ZNF574: variants seen among roughly 807,000 people sequenced by gnomAD.
ZNF574 encodes the protein zinc finger protein 574.
Under a neutral mutation model 56.6 loss-of-function variants are expected in ZNF574, and 25 were observed. The ratio of observed to expected loss-of-function variants is 0.44; its 90% CI spans 0.32 to 0.62. The LOEUF (loss-of-function observed/expected upper bound fraction) is 0.62. Ranked by LOEUF, ZNF574 falls within the 20% of genes least tolerant of loss-of-function variation. The pLI is 0.04. For missense variants in ZNF574, 1,065 were observed against 1,218.9 expected (o/e 0.87, Z 1.88); for synonymous variants, 543 against 492.1 (o/e 1.10, Z -1.37).
chr19:42,080,282 C>A lies in ZNF574; in HGVS notation c.1676C>A (p.Ala559Asp). 1 of 1,614,144 alleles carries A rather than the reference C, an allele frequency of 6.2e-7. No homozygotes were observed. Among genetic ancestry groups the A allele is most frequent in the Non-Finnish European group, 8.5e-7 (1 of 1,180,018 alleles). The change falls in exon 2 of 2, where the codon GCT becomes GAT. Residue 559 changes from alanine to aspartate, a missense_variant. By Grantham distance (126) the Ala-to-Asp change is moderately radical. Transcript: ENST00000359044. This position sits in a 1 kb window ranked among gnomAD's most constrained non-coding sequence, Gnocchi z 8.5. ...RPYRCGDCGK[A>D]FTQSSTLRQH... is the part of the protein sequence containing the mutation. The stretch of plus-strand genomic sequence containing the variant: ...TACCGGTGTGGGGACTGTGGCAAGG[C>A]TTTCACGCAAAGCTCCACACTGAGG...
At chr19:42,070,644 A>G (rs1807906000) in intron 1 of ZNF574, 1 of 153,392 alleles carries the variant, frequency 6.5e-6, no homozygotes, top group African/African-American at 2.4e-5. Context: ...GGGATAAGAA[A>G]GAAAGGCCCA....
intron 1 of ZNF574, among the ~76,000 whole-genome samples, chr19:42,076,874 G>A (rs1234668317): frequency 6.6e-6 from 1 of 152,016 alleles, no homozygotes; most frequent in African/African-American, 2.4e-5. Flanking sequence ...AATGTGAAGA[G>A]GCCTTAAACC....
rs2076478255 is a variant in ZNF574 at position 42,079,312 on chromosome 19, CACTT to C, written c.707_710del (p.His236ProfsTer131). On this transcript the variant is annotated frameshift_variant, in exon 2 of 2. Coordinates refer to ENST00000359044, the MANE Select transcript of ZNF574 (RefSeq NM_022752.6). LOFTEE classifies it high-confidence loss of function. This position sits in a 1 kb window ranked among gnomAD's most constrained non-coding sequence, Gnocchi z 4.3. The stretch of plus-strand genomic sequence containing the variant: ...GGATTTCCTGGAGCACCAGGCCACT[CACTT>C]CCCTGCTCCTGTACCCGAGTCTCAG... The C allele has an allele frequency of 6.2e-7, 1 of 1,613,836 alleles. No homozygotes were observed.
chr19:42,073,763 GC>G (rs1301063615), upstream of ZNF574, among the ~76,000 whole-genome samples: 2 of 139,710 alleles, frequency 1.4e-5, no homozygotes, highest in African/African-American at 5.4e-5. Context: ...GTTGCAGTTA[GC>G]TGAGATCACA....
chr19:42,080,053 C>G lies in ZNF574; in HGVS notation c.1447C>G (p.Arg483Gly). 6.2e-7 allele frequency: 1 copy of G among 1,614,124 alleles called. No individual in the cohort carries two copies. Among genetic ancestry groups the G allele is most frequent in the Non-Finnish European group, 8.5e-7 (1 of 1,180,030 alleles). ...REFGKALQLT[R>G]HQRFVHRLER... ...ATTTGGAAAGGCCTTGCAGCTGACC[C>G]GGCACCAACGTTTTGTGCATCGGCT... is the stretch of plus-strand genomic sequence containing the variant. The change falls in exon 2 of 2, where the codon CGG becomes GGG. Residue 483 changes from arginine (R) to glycine (G), a missense_variant. Arg to Gly is a moderately radical substitution (Grantham distance 125, BLOSUM62 -2). Transcript: ENST00000359044. The surrounding 1 kb of genome is among the most constrained non-coding windows in gnomAD (Gnocchi z 8.5).
chr19:42,074,494 AT>A (rs2076443932), upstream of ZNF574, among the ~76,000 whole-genome samples: 3 of 151,546 alleles, frequency 2.0e-5, no homozygotes, highest in Non-Finnish European at 2.9e-5. Context: ...ATAAAATAAA[AT>A]AAAATAAAAA....
At position 42,081,482 on chromosome 19, in the gene ZNF574, C is replaced by T; in HGVS notation, c.*185C>T. ...GGTCCTTGACACACATAAAGGTGCC[C>T]CCCCACCTTCCACCTCTTAGCACTG... On this transcript the variant is annotated 3_prime_UTR_variant, in exon 2 of 2. Coordinates refer to ENST00000359044, the MANE Select transcript of ZNF574 (RefSeq NM_022752.6). 1.4e-6 allele frequency: 1 copy of T among 736,256 alleles called. No individual in the cohort carries two copies. The highest frequency in any genetic ancestry group is 1.8e-5 in the South Asian group (1 of 56,770). The allele number at this position is 736,256 out of a possible 1,614,324, so 45.6% of individuals were successfully genotyped here.
At chr19:42,069,739 G>A (rs1231742503) in intron 1 of ZNF574, among the ~76,000 whole-genome samples, 1 of 151,460 alleles carries the variant, frequency 6.6e-6, no homozygotes, top group Non-Finnish European at 1.5e-5. Context: ...TGCTGGGGGA[G>A]GGGGCCGCCC....
At chr19:42,070,442 G>C (rs1334621627) in intron 1 of ZNF574, 3 of 152,784 alleles carry the variant, frequency 2.0e-5, no homozygotes, top group Middle Eastern at 6.2e-3. Context: ...CCACCGCCCT[G>C]CCCAGGCAGC....
chr19:42,076,827 T>A (rs559345296), intron 1 of ZNF574, among the ~76,000 whole-genome samples: 1 of 152,116 alleles, frequency 6.6e-6, no homozygotes, highest in African/African-American at 2.4e-5. Flanking sequence ...GGTTTAGAGC[T>A]AAGGAGGGGT....
intron 1 of ZNF574, chr19:42,069,075 G>C: frequency 2.2e-6 from 1 of 456,052 alleles, no homozygotes; most frequent in Non-Finnish European, 3.9e-6. Flanking sequence ...AGGTCGAGGT[G>C]AATGGACGCT....
In ZNF574 at chr19:42,081,262, C is replaced by G; in HGVS notation, c.2656C>G (p.Leu886Val). 3 of 1,614,146 alleles carry G rather than the reference C, an allele frequency of 1.9e-6. No individual in the cohort carries two copies. Among genetic ancestry groups the G allele is most frequent in the Non-Finnish European group, 2.5e-6 (3 of 1,180,042 alleles). Residue 886 changes from leucine (L) to valine (V), a missense_variant, in exon 2 of 2, where the codon CTG becomes GTG. By Grantham distance (32) the Leu-to-Val change is conservative. Transcript: ENST00000359044. Reference sequence around the variant, plus strand: ...GGTGGAAGCCATTGAGATCTACCCTCTGGCCGAGGCTGAGGGGGTCCAGAT... The same window carrying G: ...GGTGGAAGCCATTGAGATCTACCCTGTGGCCGAGGCTGAGGGGGTCCAGAT... The part of the protein sequence containing the change: ...PLVEAIEIYP[L>V]AEAEGVQISG
At chr19:42,075,742 C>T (rs1187251096), upstream of ZNF574, among the ~76,000 whole-genome samples, 2 of 152,068 alleles carry the variant, frequency 1.3e-5, no homozygotes, top group South Asian at 2.1e-4. Context: ...TGCCGCGTGC[C>T]TCAATTTCCC....
At chr19:42,075,925 G>T (rs928918262), upstream of ZNF574, among the ~76,000 whole-genome samples, 1 of 152,358 alleles carries the variant, frequency 6.6e-6, no homozygotes, top group African/African-American at 2.4e-5. Flanking sequence ...ATCCTCTAAG[G>T]AGGATTAAAG....
chr19:42,073,899 T>TG (rs572237996), upstream of ZNF574, among the ~76,000 whole-genome samples: 225 of 99,668 alleles, frequency 2.3e-3, 2 homozygotes, highest in Admixed American at 7.4e-3. Context: ...AGAGGCTGGG[T>TG]GGGGGGGTGG....
chr19:42,069,958 T>G (rs993471521), intron 1 of ZNF574, among the ~76,000 whole-genome samples: 1 of 147,418 alleles, frequency 6.8e-6, no homozygotes, highest in Non-Finnish European at 1.5e-5. Context: ...GAGAGGAGGA[T>G]GGAGAGGAGC....
intron 1 of ZNF574, among the ~76,000 whole-genome samples, chr19:42,077,501 G>T (rs888761838): frequency 6.6e-6 from 1 of 152,114 alleles, no homozygotes; most frequent in African/African-American, 2.4e-5. Context: ...GGATTTGAGG[G>T]GGGGCTCTGT....
At position 42,078,531 on chromosome 19, in the gene ZNF574, G is replaced by A. The variant is rs188657153; in HGVS notation, c.-20-56G>A. On this transcript the variant is annotated intron_variant, in intron 1 of 1. Coordinates refer to ENST00000359044, the MANE Select transcript of ZNF574 (RefSeq NM_022752.6). ...TATTAGGAGTGGAGAGTGATGAAGG[G>A]AAGAGCTGAGGAATCGGTGACCTAA... 54 of 1,467,116 alleles carry A rather than the reference G, an allele frequency of 3.7e-5. 1 individual carries two copies. In the East Asian group the frequency reaches 1.2e-3, roughly 32 times the overall value. 90.9% of individuals were successfully genotyped at this position (1,467,116 alleles called of 1,614,324 possible).
At chr19:42,074,446 C>T (rs2076443439), upstream of ZNF574, among the ~76,000 whole-genome samples, 1 of 150,128 alleles carries the variant, frequency 6.7e-6, no homozygotes, top group African/African-American at 2.5e-5. Context: ...CAGAGAAAGA[C>T]TCTGTCTCAT....
Sources: gnomAD v4.1 joint callset for allele counts (sites outside exome capture counted in the v4.1 genomes callset) on GRCh38, gnomAD v4.1.1 for gene constraint, Gnocchi (gnomAD v3.1) non-coding constraint, MANE v1.5 for transcripts, NCBI Gene and HGNC (gene_info 2026-07-23, HGNC 2026-07-21) for gene names.